RCAN2: variants seen among roughly 807,000 people sequenced by gnomAD.
The protein encoded by RCAN2 is calcipressin-2.
A neutral mutation model predicts 23.6 loss-of-function variants in RCAN2; 9 were observed. That is an observed-to-expected ratio of 0.38 (90% CI 0.23 to 0.67). RCAN2 has a LOEUF of 0.67. Among genes scored for constraint, RCAN2 ranks in the 30% least tolerant of loss-of-function variants. RCAN2 has a pLI of 0.51. For missense variants in RCAN2, 273 were observed against 302.3 expected, an observed-to-expected ratio of 0.90 and a Z score of 0.72; for synonymous variants, 109 against 115.7, an observed-to-expected ratio of 0.94 and a Z score of 0.37.
intron 2 of RCAN2, among the ~76,000 whole-genome samples, chr6:46,319,708 A>G (rs1186331336): frequency 1.3e-5 from 2 of 152,204 alleles, no homozygotes; most frequent in Admixed American, 1.3e-4. Flanking sequence ...TACATTTAAG[A>G]ATGTTAAGTT....
intron 2 of RCAN2, among the ~76,000 whole-genome samples, chr6:46,340,572 C>G (rs1346606889): frequency 6.6e-6 from 1 of 152,160 alleles, no homozygotes; most frequent in African/African-American, 2.4e-5. Context: ...GATGGCAGAG[C>G]CTCTATCATT....
intron 2 of RCAN2, among the ~76,000 whole-genome samples, chr6:46,257,039 A>G (rs2150323519): frequency 6.6e-6 from 1 of 152,306 alleles, no homozygotes; most frequent in Middle Eastern, 3.4e-3. Flanking sequence ...AGATATTGTT[A>G]TGCGGAGAGC....
At chr6:46,396,094 G>C (rs1007103407) in intron 2 of RCAN2, among the ~76,000 whole-genome samples, 1 of 152,084 alleles carries the variant, frequency 6.6e-6, no homozygotes, top group Non-Finnish European at 1.5e-5. Flanking sequence ...CTTTAACCAA[G>C]TTGCAGTTAA....
At chr6:46,251,812 A>G (rs924215833) in intron 2 of RCAN2, among the ~76,000 whole-genome samples, 1 of 152,124 alleles carries the variant, frequency 6.6e-6, no homozygotes, top group Non-Finnish European at 1.5e-5. Flanking sequence ...AGAAGGCTCC[A>G]GGCACCAACT....
At chr6:46,237,526 C>T (rs1766145209) in intron 4 of RCAN2, among the ~76,000 whole-genome samples, 1 of 152,208 alleles carries the variant, frequency 6.6e-6, no homozygotes. Flanking sequence ...CACATACTCT[C>T]CTGTAACCTT....
rs1025480080 is a variant in RCAN2 at position 46,223,129 on chromosome 6, G to A, written c.*12C>T. On this transcript the variant is annotated 3_prime_UTR_variant, in exon 5 of 5. Transcript: ENST00000371374. ...AAGAGGAGACGGCTATTATCGAGAA[G>A]GAGCAGGCAGCTCAGTTGGACACGG... The A allele has an allele frequency of 2.5e-6, 4 of 1,612,392 alleles. No individual in the cohort carries two copies. The highest frequency in any genetic ancestry group is 3.4e-6 in the Non-Finnish European group (4 of 1,179,772).
At chr6:46,318,459 C>G (rs1228411442) in intron 2 of RCAN2, among the ~76,000 whole-genome samples, 3 of 152,058 alleles carry the variant, frequency 2.0e-5, no homozygotes, top group Non-Finnish European at 4.4e-5. Flanking sequence ...TAGTACTAGA[C>G]TGTAAGGATG....
chr6:46,228,441 T>C (rs1765756853), intron 4 of RCAN2, among the ~76,000 whole-genome samples: 1 of 152,240 alleles, frequency 6.6e-6, no homozygotes, highest in African/African-American at 2.4e-5. Context: ...GGACTTGCTT[T>C]ATGAATCTGG....
intron 2 of RCAN2, among the ~76,000 whole-genome samples, chr6:46,338,301 C>G (rs774026578): frequency 2.0e-5 from 3 of 152,136 alleles, no homozygotes; most frequent in Non-Finnish European, 4.4e-5. Flanking sequence ...GGAACCCTCC[C>G]AATGCTGTCC....
rs1379006809 is a variant in RCAN2, at chr6:46,221,613, T to C, written c.*1528A>G. 1 of 264,652 alleles carries C rather than the reference T, an allele frequency of 3.8e-6. No homozygotes were observed. The highest frequency in any genetic ancestry group is 6.7e-5 in the East Asian group (1 of 14,848). The allele number at this position is 264,652 out of a possible 1,614,324, so 16.4% of individuals were successfully genotyped here. ...ATATTCACAGTAAAACGGACTTTAA[T>C]TTCTGAGTGATCAGTCTATGTTTTA... On this transcript the variant is annotated 3_prime_UTR_variant, in exon 5 of 5. Transcript: ENST00000371374.
chr6:46,424,310 A>G (rs1313394471), intron 2 of RCAN2, among the ~76,000 whole-genome samples: 1 of 152,226 alleles, frequency 6.6e-6, no homozygotes, highest in East Asian at 1.9e-4. Context: ...AGAAAGCTTA[A>G]GCAACTAACC....
intron 2 of RCAN2, among the ~76,000 whole-genome samples, chr6:46,344,163 C>T (rs2150374525): frequency 6.6e-6 from 1 of 152,226 alleles, no homozygotes; most frequent in Non-Finnish European, 1.5e-5. Context: ...TGCTAGTAAT[C>T]ATTGAGTTAT....
chr6:46,280,758 C>T (rs1767879824), intron 2 of RCAN2, among the ~76,000 whole-genome samples: 1 of 152,144 alleles, frequency 6.6e-6, no homozygotes, highest in African/African-American at 2.4e-5. Flanking sequence ...ATTCCTTCTC[C>T]TCTTCAATAA....
rs150003060 is a variant in RCAN2, at chr6:46,478,291, C to G, written c.-3+12882G>C. ...CACTCCATGCACCCAGTGATAATCT[C>G]TCTGTATCATGCAGGCTGTTGGGAA... On this transcript the variant is annotated intron_variant, in intron 1 of 4. Coordinates refer to ENST00000371374, the MANE Select transcript of RCAN2 (RefSeq NM_001251974.2). Among the ~76,000 whole-genome samples, 516 of 152,292 alleles carry G rather than the reference C, an allele frequency of 3.4e-3. 3 individuals are homozygous for G. Among genetic ancestry groups the G allele is most frequent in the African/African-American group, 0.012 (488 of 41,552 alleles).
At chr6:46,440,617 T>C (rs563979706) in intron 2 of RCAN2, among the ~76,000 whole-genome samples, 9 of 151,992 alleles carry the variant, frequency 5.9e-5, no homozygotes, top group Non-Finnish European at 1.0e-4. Context: ...CATATATACA[T>C]AATTAGGTTA....
chr6:46,347,386 C>T (rs1274291435), intron 2 of RCAN2, among the ~76,000 whole-genome samples: 1 of 152,140 alleles, frequency 6.6e-6, no homozygotes, highest in Admixed American at 6.6e-5. Context: ...CTAGATCTTC[C>T]TCCTCCCAAT....
intron 2 of RCAN2, among the ~76,000 whole-genome samples, chr6:46,290,684 A>G (rs2150344735): frequency 6.6e-6 from 1 of 152,348 alleles, no homozygotes; most frequent in Middle Eastern, 3.4e-3. Context: ...AAGGAAATGA[A>G]TCATTAGAAC....
At chr6:46,486,995 T>C (rs1014823967) in intron 1 of RCAN2, among the ~76,000 whole-genome samples, 14 of 152,042 alleles carry the variant, frequency 9.2e-5, no homozygotes, top group Admixed American at 9.2e-4. Flanking sequence ...ACACCTAGAG[T>C]TGGTAACAAG....
intron 1 of RCAN2, among the ~76,000 whole-genome samples, chr6:46,474,998 T>G (rs1176004502): frequency 1.3e-5 from 2 of 152,252 alleles, no homozygotes; most frequent in African/African-American, 4.8e-5. Context: ...TTTTATGGAT[T>G]TCCAAATATT....
Sources: gnomAD v4.1 joint callset for allele counts (sites outside exome capture counted in the v4.1 genomes callset) on GRCh38, gnomAD v4.1.1 for gene constraint, MANE v1.5 for transcripts, NCBI Gene and HGNC (gene_info 2026-07-23, HGNC 2026-07-21) for gene names.